The following CTNNBIP1 variants were observed in gnomAD, a reference collection of about 807,000 sequenced individuals.
The protein encoded by CTNNBIP1 is catenin beta interacting protein 1.
In CTNNBIP1, 7 loss-of-function variants were observed where a neutral mutation model predicts 11.8. That is an observed-to-expected ratio of 0.60 (90% confidence interval 0.34 to 1.12). The LOEUF is 1.12. CTNNBIP1 is among the 50% of genes most tolerant of loss of function. The pLI is 0.03. For synonymous variants in CTNNBIP1, 58 were observed against 43.9 expected (o/e 1.32, Z -1.26); for missense variants, 101 against 113.4 (o/e 0.89, Z 0.50).
At position 9,871,391 on chromosome 1, in the gene CTNNBIP1, G is replaced by T; in HGVS notation, c.97-114C>A. 1.3e-6 allele frequency: 1 copy of T among 779,926 alleles called. No homozygotes were observed. Among genetic ancestry groups the T allele is most frequent in the Non-Finnish European group, 2.1e-6 (1 of 470,324 alleles). The allele number at this position is 779,926 out of a possible 1,614,324, so 48.3% of individuals were successfully genotyped here. On this transcript the variant is annotated intron_variant, in intron 4 of 5. Coordinates refer to ENST00000377263, the MANE Select transcript of CTNNBIP1 (RefSeq NM_020248.3). This position sits in a 1 kb window ranked among gnomAD's most constrained non-coding sequence, Gnocchi z 5.2. ...TTGGTCCCTGCTTGGTCCCTGCTCG[G>T]GCTTCTGTTTCTGAGATTTGACCCC... is the stretch of plus-strand genomic sequence containing the variant.
At chr1:9,881,117 C>T (rs563279282) in intron 2 of CTNNBIP1, among the ~76,000 whole-genome samples, 9 of 152,150 alleles carry the variant, frequency 5.9e-5, no homozygotes, top group African/African-American at 2.2e-4. Flanking sequence ...CTCACTGCAG[C>T]CTTGAACTCC....
intron 3 of CTNNBIP1, among the ~76,000 whole-genome samples, chr1:9,876,807 C>T (rs900326224): frequency 1.2e-4 from 18 of 151,036 alleles, no homozygotes; most frequent in African/African-American, 4.4e-4. Flanking sequence ...AAGGTACATA[C>T]CTTCAATTTA....
At chr1:9,903,805 A>G (rs1031113821) in intron 1 of CTNNBIP1, among the ~76,000 whole-genome samples, 1 of 152,176 alleles carries the variant, frequency 6.6e-6, no homozygotes, top group Non-Finnish European at 1.5e-5. Flanking sequence ...CTACCCTAAG[A>G]GTATCACCTA....
intron 5 of CTNNBIP1, among the ~76,000 whole-genome samples, chr1:9,856,549 G>C (rs1003359688): frequency 3.5e-5 from 5 of 141,926 alleles, no homozygotes; most frequent in East Asian, 4.1e-4. Context: ...GTCTCGCTCT[G>C]TTGCCCAGGC....
chr1:9,858,258 A>T (rs1477813064), intron 5 of CTNNBIP1, among the ~76,000 whole-genome samples: 1 of 152,112 alleles, frequency 6.6e-6, no homozygotes, highest in Non-Finnish European at 1.5e-5. Flanking sequence ...GCCAGGGGGA[A>T]GTTGTTAGAA....
At chr1:9,905,602 T>C (rs1208307952) in intron 1 of CTNNBIP1, among the ~76,000 whole-genome samples, 1 of 151,816 alleles carries the variant, frequency 6.6e-6, no homozygotes, top group African/African-American at 2.4e-5. Flanking sequence ...TTTTTTTTTT[T>C]TGTATTTTTA....
intron 5 of CTNNBIP1, among the ~76,000 whole-genome samples, chr1:9,859,550 T>C (rs929551834): frequency 1.3e-5 from 2 of 152,232 alleles, no homozygotes; most frequent in African/African-American, 4.8e-5. Flanking sequence ...CAAAGTCTGC[T>C]GAGAATCCCT....
intron 1 of CTNNBIP1, among the ~76,000 whole-genome samples, chr1:9,903,537 C>G (rs1382147769): frequency 6.6e-6 from 1 of 152,192 alleles, no homozygotes; most frequent in African/African-American, 2.4e-5. Context: ...TCATGGAAGA[C>G]CAGAGCATAA....
chr1:9,886,198 G>A (rs1009989526), intron 1 of CTNNBIP1, among the ~76,000 whole-genome samples: 2 of 152,152 alleles, frequency 1.3e-5, no homozygotes, highest in East Asian at 1.9e-4. Flanking sequence ...ACAGAGAGGC[G>A]GGAGGGGACC....
In CTNNBIP1 at chr1:9,883,414, G is replaced by C. The variant is rs1031143681; in HGVS notation, c.-110+291C>G. Among the ~76,000 whole-genome samples, 1 of 152,126 alleles carries C rather than the reference G, an allele frequency of 6.6e-6. No homozygotes were observed. The highest frequency in any genetic ancestry group is 2.4e-5 in the African/African-American group (1 of 41,402). ...GGTTTTCTATGAAGGAGGCAGAGCA[G>C]GGCAGGGGAGAGGTCCACCTGCCCC... On this transcript the variant is annotated intron_variant, in intron 2 of 5. Coordinates refer to ENST00000377263, the MANE Select transcript of CTNNBIP1 (RefSeq NM_020248.3). The surrounding 1 kb of genome is among the most constrained non-coding windows in gnomAD (Gnocchi z 5.6).
Position 9,871,863 on chromosome 1 carries a change from C to T in CTNNBIP1, c.96+106G>A. 1.0e-6 allele frequency: 1 copy of T among 966,916 alleles called. No homozygotes were observed. The highest frequency in any genetic ancestry group is 1.6e-6 in the Non-Finnish European group (1 of 618,456). The allele number at this position is 966,916 out of a possible 1,614,324, so 59.9% of individuals were successfully genotyped here. A position where few individuals can be genotyped will look rare whatever the true frequency, so the allele number is the denominator to read the frequency against. On this transcript the variant is annotated intron_variant, in intron 4 of 5. Transcript: ENST00000377263. The surrounding 1 kb of genome is among the most constrained non-coding windows in gnomAD (Gnocchi z 5.2). ...AGCGGCCCCTCCTCAGCCCGTGGCT[C>T]CGCAGGAGGCAGCCGCAGTGGCTCC... is the stretch of plus-strand genomic sequence containing the variant.
rs1486103664 is a variant in CTNNBIP1 at position 9,867,107 on chromosome 1, GGGA to G, written c.187+4077_187+4079del. 6.6e-6 allele frequency among the ~76,000 whole-genome samples: 1 copy of G among 152,210 alleles called. No homozygotes were observed. Among genetic ancestry groups the G allele is most frequent in the African/African-American group, 2.4e-5 (1 of 41,464 alleles). ...AGATCACAGCACTGCGTGTGGAACAGGGAGAAGAGAGGGGGCAACCCTGGAGGA... is the reference window on the plus strand; with the variant it reads ...AGATCACAGCACTGCGTGTGGAACAGGAAGAGAGGGGGCAACCCTGGAGGA... On this transcript the variant is annotated intron_variant, in intron 5 of 5. Coordinates refer to ENST00000377263, the MANE Select transcript of CTNNBIP1 (RefSeq NM_020248.3). This position sits in a 1 kb window ranked among gnomAD's most constrained non-coding sequence, Gnocchi z 4.6.
chr1:9,879,846 G>A (rs1413944752), intron 2 of CTNNBIP1, among the ~76,000 whole-genome samples: 1 of 152,222 alleles, frequency 6.6e-6, no homozygotes, highest in Non-Finnish European at 1.5e-5. Flanking sequence ...GACTTCCAGG[G>A]AAGGGGTCAA....
At chr1:9,868,313 A>G (rs574739900) in intron 5 of CTNNBIP1, among the ~76,000 whole-genome samples, 31 of 152,310 alleles carry the variant, frequency 2.0e-4, no homozygotes, top group African/African-American at 6.5e-4. Flanking sequence ...CTGTGGACAG[A>G]CACCACCCAC....
intron 1 of CTNNBIP1, among the ~76,000 whole-genome samples, chr1:9,898,617 A>T (rs1207566365): frequency 2.0e-5 from 3 of 152,296 alleles, no homozygotes; most frequent in Non-Finnish European, 2.9e-5. Context: ...TTAATATATA[A>T]AAAAAAGTGT....
rs528766320 is a variant in CTNNBIP1 at position 9,902,579 on chromosome 1, C to G, written c.-144+7516G>C. Among the ~76,000 whole-genome samples, 42 of 152,238 alleles carry G rather than the reference C, an allele frequency of 2.8e-4. No homozygotes were observed. The South Asian group carries it at 8.7e-3, about 32-fold the overall frequency. Reference sequence around the variant, plus strand: ...TCTTCTGGAAAGCCAACCCAGCCCCCCACCTTAATGTCCACTCAGGGCAGG... The same window carrying G: ...TCTTCTGGAAAGCCAACCCAGCCCCGCACCTTAATGTCCACTCAGGGCAGG... On this transcript the variant is annotated intron_variant, in intron 1 of 5. Coordinates refer to ENST00000377263, the MANE Select transcript of CTNNBIP1 (RefSeq NM_020248.3).
chr1:9,854,937 A>G (rs1035785749), intron 5 of CTNNBIP1, among the ~76,000 whole-genome samples: 1 of 152,194 alleles, frequency 6.6e-6, no homozygotes, highest in African/African-American at 2.4e-5. Context: ...TTGGCCTCCC[A>G]AAGTGCTGGG....
At chr1:9,906,066 G>A (rs950903722) in intron 1 of CTNNBIP1, among the ~76,000 whole-genome samples, 2 of 152,210 alleles carry the variant, frequency 1.3e-5, no homozygotes, top group African/African-American at 4.8e-5. Context: ...CAAGTGCTAG[G>A]TGGTCTTCTG....
intron 1 of CTNNBIP1, among the ~76,000 whole-genome samples, chr1:9,899,387 C>A (rs1357452810): frequency 1.4e-5 from 2 of 145,788 alleles, no homozygotes; most frequent in South Asian, 2.2e-4. Context: ...ACCTGGGAGG[C>A]ACAGGCTGCA....
Sources: allele counts gnomAD v4.1 joint callset (sites outside exome capture counted in the v4.1 genomes callset), GRCh38; gene constraint gnomAD v4.1.1; non-coding constraint Gnocchi (gnomAD v3.1); transcripts MANE v1.5; gene names NCBI Gene and HGNC (gene_info 2026-07-23, HGNC 2026-07-21).